The following SCOC variants were observed in gnomAD, a reference collection of about 807,000 sequenced individuals.
The protein encoded by SCOC is short coiled coil protein.
A neutral mutation model predicts 9.9 loss-of-function variants in SCOC; 7 were observed. That is an observed-to-expected ratio of 0.71 (90% CI 0.40 to 1.33). SCOC has a LOEUF of 1.33. Among genes scored for constraint, SCOC ranks in the 40% most tolerant of loss-of-function variants. The probability of loss-of-function intolerance (pLI) is 0.01; values close to 1 mark genes in which losing one functional copy is unlikely to be tolerated. For synonymous variants in SCOC, 19 were observed against 28.2 expected, an observed-to-expected ratio of 0.67 and a Z score of 1.03; for missense variants, 66 against 89.7, an observed-to-expected ratio of 0.74 and a Z score of 1.07.
At chr4:140,352,486 A>T (rs1727023782) in intron 2 of SCOC, among the ~76,000 whole-genome samples, 3 of 152,130 alleles carry the variant, frequency 2.0e-5, no homozygotes, top group Non-Finnish European at 2.9e-5. Context: ...AAGGAGATTA[A>T]CTCTGCTTCT....
At chr4:140,338,893 C>G (rs1201203956), upstream of SCOC, among the ~76,000 whole-genome samples, 1 of 152,198 alleles carries the variant, frequency 6.6e-6, no homozygotes, top group African/African-American at 2.4e-5. Context: ...TTTATAGATT[C>G]AATGCCATCC....
At chr4:140,280,651 C>T (rs1731076844) in intron 1 of SCOC, among the ~76,000 whole-genome samples, 1 of 152,162 alleles carries the variant, frequency 6.6e-6, no homozygotes, top group Non-Finnish European at 1.5e-5. Context: ...TTGTCAAATG[C>T]CTGTGTTTTC....
At chr4:140,356,559 T>C (rs570306476) in intron 2 of SCOC, among the ~76,000 whole-genome samples, 78 of 152,368 alleles carry the variant, frequency 5.1e-4, no homozygotes, top group African/African-American at 1.9e-3. Flanking sequence ...TTCATAACTT[T>C]AAAAGATTAT....
intron 2 of SCOC, among the ~76,000 whole-genome samples, chr4:140,361,382 A>G (rs1727460901): frequency 6.6e-6 from 1 of 152,188 alleles, no homozygotes; most frequent in African/African-American, 2.4e-5. Flanking sequence ...ACTGTATTTT[A>G]GGCCAGCGCA....
chr4:140,270,995 TTC>T (rs1000200570), intron 1 of SCOC, among the ~76,000 whole-genome samples: 5 of 152,212 alleles, frequency 3.3e-5, no homozygotes, highest in African/African-American at 1.2e-4. Context: ...CAATGTGCTA[TTC>T]TGTTCTTCAT....
At chr4:140,312,577 C>A (rs1261944251) in intron 1 of SCOC, among the ~76,000 whole-genome samples, 1 of 152,024 alleles carries the variant, frequency 6.6e-6, no homozygotes, top group Non-Finnish European at 1.5e-5. Context: ...TAGGTGTGCA[C>A]CACCATGCCT....
At chr4:140,260,855 A>G (rs1553932939) in intron 1 of SCOC, among the ~76,000 whole-genome samples, 1 of 152,126 alleles carries the variant, frequency 6.6e-6, no homozygotes, top group Non-Finnish European at 1.5e-5. Context: ...TTTTTTTTTA[A>G]TTTTAGTTTA....
chr4:140,308,794 G>A (rs1732067793), intron 1 of SCOC, among the ~76,000 whole-genome samples: 1 of 152,190 alleles, frequency 6.6e-6, no homozygotes. Flanking sequence ...CCAGAGACAG[G>A]CTCTACTGTC....
intron 3 of SCOC, among the ~76,000 whole-genome samples, chr4:140,380,587 T>C (rs1454510194): frequency 6.6e-6 from 1 of 152,204 alleles, no homozygotes; most frequent in Non-Finnish European, 1.5e-5. Context: ...GCTTGGAAAC[T>C]GACTGCCTGT....
At chr4:140,327,678 A>G (rs951960685) in intron 1 of SCOC, among the ~76,000 whole-genome samples, 3 of 152,184 alleles carry the variant, frequency 2.0e-5, no homozygotes, top group African/African-American at 7.2e-5. Flanking sequence ...TTGATTACCT[A>G]TGATTTGGAG....
upstream of SCOC, among the ~76,000 whole-genome samples, chr4:140,341,993 G>A (rs1194033593): frequency 2.0e-5 from 3 of 152,102 alleles, no homozygotes; most frequent in Non-Finnish European, 4.4e-5. Flanking sequence ...ATGGGCTAAT[G>A]TCCCTCCAAC....
rs114411924 is a variant in SCOC, at chr4:140,277,095, T to C, written c.-19+19685T>C. 6.2e-3 allele frequency among the ~76,000 whole-genome samples: 940 copies of C among 152,312 alleles called. 6 individuals carry two copies. Among genetic ancestry groups the C allele is most frequent in the African/African-American group, 0.022 (898 of 41,554 alleles). ...AGAATTTAATTTAAAAAAATTATAT[T>C]GTTATTCCCCCTTGTAAAAATTAGT... On this transcript the variant is annotated intron_variant, in intron 1 of 4. Transcript: ENST00000394205.
chr4:140,360,056 C>A (rs1460473595), intron 2 of SCOC, among the ~76,000 whole-genome samples: 1 of 152,172 alleles, frequency 6.6e-6, no homozygotes, highest in African/African-American at 2.4e-5. Flanking sequence ...ATAAGACTGA[C>A]AGGTCCCTTG....
At chr4:140,369,018 C>A (rs1375314616), upstream of SCOC, among the ~76,000 whole-genome samples, 2 of 151,744 alleles carry the variant, frequency 1.3e-5, no homozygotes, top group Non-Finnish European at 2.9e-5. Context: ...AAGCTTGATT[C>A]CATAAAGACC....
Position 140,343,693 on chromosome 4 carries a change from CT to C in SCOC, c.57del (p.Ala20GlnfsTer4). On this transcript the variant is annotated frameshift_variant, in exon 2 of 5. Transcript: ENST00000338517. LOFTEE classifies it high-confidence loss of function. ...AGACAGCACATTCACCAACATTTCTCTTGCAGATGACATAGGTAAGGAAAAA... is the reference window on the plus strand; with the variant it reads ...AGACAGCACATTCACCAACATTTCTCTGCAGATGACATAGGTAAGGAAAAA... 1 of 1,613,066 alleles carries C rather than the reference CT, an allele frequency of 6.2e-7. No homozygotes were observed. The highest frequency in any genetic ancestry group is 8.5e-7 in the Non-Finnish European group (1 of 1,179,196).
intron 1 of SCOC, among the ~76,000 whole-genome samples, chr4:140,265,325 C>T (rs1339751719): frequency 1.3e-5 from 2 of 152,182 alleles, no homozygotes; most frequent in Non-Finnish European, 2.9e-5. Flanking sequence ...TTTGCCTGTT[C>T]TCTTTTAGCC....
intron 1 of SCOC, among the ~76,000 whole-genome samples, chr4:140,271,781 G>T (rs1311945585): frequency 6.6e-6 from 1 of 152,166 alleles, no homozygotes; most frequent in Non-Finnish European, 1.5e-5. Flanking sequence ...TGTGCTAGGT[G>T]ATAGGGAGTT....
intron 2 of SCOC, chr4:140,366,632 A>T: frequency 6.2e-7 from 1 of 1,606,156 alleles, no homozygotes; most frequent in Non-Finnish European, 8.5e-7. Context: ...GCCTTCTGCC[A>T]GGCTTGTCTG....
At chr4:140,302,459 A>G (rs192173417) in intron 1 of SCOC, among the ~76,000 whole-genome samples, 2 of 152,336 alleles carry the variant, frequency 1.3e-5, no homozygotes, top group East Asian at 3.9e-4. Context: ...TGAAGAAATG[A>G]TCTGGAATTA....
Sources: allele counts gnomAD v4.1 joint callset (sites outside exome capture counted in the v4.1 genomes callset), GRCh38; gene constraint gnomAD v4.1.1; transcripts MANE v1.5; gene names NCBI Gene and HGNC (gene_info 2026-07-23, HGNC 2026-07-21).